Variants in CYP4F11 observed in about 807,000 individuals in gnomAD.
CYP4F11 encodes the protein cytochrome P450 4F11.
A neutral mutation model predicts 62.2 loss-of-function variants in CYP4F11; 79 were observed. That is an observed-to-expected ratio of 1.27 (90% CI 1.06 to 1.53). CYP4F11 has a LOEUF of 1.53. Among genes scored for constraint, CYP4F11 ranks in the 40% most tolerant of loss-of-function variants. CYP4F11 has a pLI of 0.00. For synonymous variants in CYP4F11, 290 were observed against 263.7 expected (o/e 1.10, Z -0.97); for missense variants, 777 against 680.5 (o/e 1.14, Z -1.58).
In CYP4F11 at chr19:15,923,807, C is replaced by T. The variant is rs1461680715; in HGVS notation, c.918+5G>A. 5 of 1,609,494 alleles carry T rather than the reference C, an allele frequency of 3.1e-6. No individual in the cohort carries two copies. Among genetic ancestry groups the T allele is most frequent in the Non-Finnish European group, 3.4e-6 (4 of 1,176,268 alleles). On this transcript the variant is annotated splice_donor_5th_base_variant and intron_variant, in intron 6 of 11. Coordinates refer to ENST00000402119, the MANE Select transcript of CYP4F11 (RefSeq NM_021187.4). Reference sequence around the variant, plus strand: ...TACTTGAATTCACATCCCAGAGAAGCCTACCTTGCTCAGCAGAAGCACATC... The same window carrying T: ...TACTTGAATTCACATCCCAGAGAAGTCTACCTTGCTCAGCAGAAGCACATC...
At position 15,934,415 on chromosome 19, in the gene CYP4F11, G is replaced by A; in HGVS notation, c.-7C>T. On this transcript the variant is annotated 5_prime_UTR_variant, in exon 1 of 12. Coordinates refer to ENST00000402119, the MANE Select transcript of CYP4F11 (RefSeq NM_021187.4). ...ACAGGCTCAGCTGCGGCATCCTGCAGGGCAGACGGGATGGAGGGTGGGATC... is the reference window on the plus strand; with the variant it reads ...ACAGGCTCAGCTGCGGCATCCTGCAAGGCAGACGGGATGGAGGGTGGGATC... 1.9e-6 allele frequency: 3 copies of A among 1,612,256 alleles called. No homozygotes were observed. The highest frequency in any genetic ancestry group is 2.5e-6 in the Non-Finnish European group (3 of 1,179,306).
rs374763718 is a variant in CYP4F11, at chr19:15,914,843, G to T, written c.1168C>A (p.Arg390=). 5 of 1,614,114 alleles carry T rather than the reference G, an allele frequency of 3.1e-6. No individual in the cohort carries two copies. Among genetic ancestry groups the T allele is most frequent in the Non-Finnish European group, 4.2e-6 (5 of 1,180,006 alleles). ...FLTMCIKESL[R]LHPPVPVISR... The stretch of plus-strand genomic sequence containing the variant: ...ATGACCGGGACTGGGGGATGCAACC[G>T]CAGGCTCTCCTTAATGCACATGGTC... Residue 390 remains arginine, a synonymous_variant, in exon 9 of 12, where the codon CGG becomes AGG. Transcript: ENST00000402119.
At chr19:15,928,519 G>A (rs2089686749) in intron 2 of CYP4F11, among the ~76,000 whole-genome samples, 1 of 152,164 alleles carries the variant, frequency 6.6e-6, no homozygotes, top group African/African-American at 2.4e-5. Flanking sequence ...ATCCAACCAT[G>A]CCTGAAGACC....
At chr19:15,933,165 G>C (rs111219999) in intron 1 of CYP4F11, among the ~76,000 whole-genome samples, 7 of 13,474 alleles carry the variant, frequency 5.2e-4, no homozygotes, top group Admixed American at 7.1e-4. Flanking sequence ...AGTGAGTGGG[G>C]AGAGGAATGA....
At position 15,918,674 on chromosome 19, in the gene CYP4F11, T is replaced by C. The variant is rs536656697; in HGVS notation, c.1115+3363A>G. ...CAACAGGTTTAATTTAGCAAAAGTC[T>C]GAAACAAGCTAAATATACATTGATG... On this transcript the variant is annotated intron_variant, in intron 8 of 11. Transcript: ENST00000402119. Among the ~76,000 whole-genome samples, 16 of 152,274 alleles carry C rather than the reference T, an allele frequency of 1.1e-4. No homozygotes were observed. The South Asian group carries it at 3.3e-3, about 32-fold the overall frequency.
At chr19:15,931,242 A>G (rs2089713352) in intron 1 of CYP4F11, among the ~76,000 whole-genome samples, 1 of 151,802 alleles carries the variant, frequency 6.6e-6, no homozygotes, top group Non-Finnish European at 1.5e-5. Context: ...TGCGTATGGA[A>G]AGGGGCTCAG....
intron 1 of CYP4F11, among the ~76,000 whole-genome samples, chr19:15,930,970 C>T (rs1339254915): frequency 2.0e-5 from 3 of 152,222 alleles, no homozygotes; most frequent in Admixed American, 6.5e-5. Flanking sequence ...CCGATGGACA[C>T]GCCCATCAAT....
In CYP4F11 at chr19:15,926,671, G is replaced by A. The variant is rs375092807; in HGVS notation, c.525+541C>T. 5.2e-4 allele frequency among the ~76,000 whole-genome samples: 79 copies of A among 152,316 alleles called. 1 individual carries two copies. The highest frequency in any genetic ancestry group is 6.8e-3 in the Middle Eastern group (2 of 294). Reference sequence around the variant, plus strand: ...AACAGCAGGGTGCCTCCGGGAGGCAGAGAAACACATGGAGAAAAGTCCAGG... The same window carrying A: ...AACAGCAGGGTGCCTCCGGGAGGCAAAGAAACACATGGAGAAAAGTCCAGG... On this transcript the variant is annotated intron_variant, in intron 4 of 11. Coordinates refer to ENST00000402119, the MANE Select transcript of CYP4F11 (RefSeq NM_021187.4).
At chr19:15,920,382 T>C (rs2089616514) in intron 8 of CYP4F11, among the ~76,000 whole-genome samples, 1 of 152,222 alleles carries the variant, frequency 6.6e-6, no homozygotes, top group African/African-American at 2.4e-5. Context: ...ATAGCCATTT[T>C]CTAGGACACA....
intron 1 of CYP4F11, among the ~76,000 whole-genome samples, chr19:15,931,543 G>GGCAGAGGAATGAGTGAGTGA (rs1568257268): frequency 1.5e-5 from 1 of 68,762 alleles, no homozygotes; most frequent in Non-Finnish European, 3.1e-5. Context: ...TGAGTGAGCG[G>GGCAGAGGAATGAGTGAGTGA]GGAGAGGAAT....
Position 15,914,891 on chromosome 19 carries a change from C to G in CYP4F11, c.1120G>C (p.Asp374His). 6 of 1,614,050 alleles carry G rather than the reference C, an allele frequency of 3.7e-6. No individual in the cohort carries two copies. Among genetic ancestry groups the G allele is most frequent in the Non-Finnish European group, 5.1e-6 (6 of 1,179,986 alleles). The change falls in exon 9 of 12, where the codon GAC becomes CAC. Residue 374 changes from aspartate (D) to histidine (H), a missense_variant. Coordinates refer to ENST00000402119, the MANE Select transcript of CYP4F11 (RefSeq NM_021187.4). ...GTCAGGAAGGGCAGCTGGGCCAGGT[C>G]GTCCCTAAGAAAACACCCCAGCCCC... is the stretch of plus-strand genomic sequence containing the variant. Reference protein sequence around the residue: ...DREPIEIEWDDLAQLPFLTMC... With the variant: ...DREPIEIEWDHLAQLPFLTMC...
intron 2 of CYP4F11, 143 bp downstream of exon 2, chr19:15,929,314 G>T: frequency 8.9e-7 from 1 of 1,125,692 alleles, no homozygotes; most frequent in Admixed American, 2.1e-5. Context: ...GTGAATACAT[G>T]AAGGAAAGAG....
rs3746152 is a variant in CYP4F11 at position 15,923,709 on chromosome 19, T to A, written c.918+103A>T. The A allele has an allele frequency of 0.064, 94,037 of 1,465,010 alleles. 9,450 individuals are homozygous for A. The highest frequency in any genetic ancestry group is 0.52 in the East Asian group (22,923 of 43,816). 90.8% of individuals were successfully genotyped at this position (1,465,010 alleles called of 1,614,324 possible). On this transcript the variant is annotated intron_variant, in intron 6 of 11. Coordinates refer to ENST00000402119, the MANE Select transcript of CYP4F11 (RefSeq NM_021187.4). ...TCTGACCTGTCTTTTTCAAGCATGTTCCATGGCTCCCAGTGCCCTTTGGAT... is the reference window on the plus strand; with the variant it reads ...TCTGACCTGTCTTTTTCAAGCATGTACCATGGCTCCCAGTGCCCTTTGGAT...
At chr19:15,919,405 T>TGGATGGAC (rs2089606199) in intron 8 of CYP4F11, among the ~76,000 whole-genome samples, 1 of 141,128 alleles carries the variant, frequency 7.1e-6, no homozygotes, top group East Asian at 2.0e-4. Flanking sequence ...GGATAAAGGA[T>TGGATGGAC]GGATGGACGG....
intron 8 of CYP4F11, among the ~76,000 whole-genome samples, chr19:15,920,787 CTT>C (rs199942274): frequency 6.6e-6 from 1 of 152,036 alleles, no homozygotes; most frequent in Non-Finnish European, 1.5e-5. Context: ...AAGTTCTTGA[CTT>C]TTTTTTCCAT....
intron 1 of CYP4F11, among the ~76,000 whole-genome samples, chr19:15,931,641 CGAGGAGAGGAATGAGTGAGCGAGG>C (rs1568257595): frequency 4.8e-4 from 10 of 20,898 alleles, no homozygotes; most frequent in East Asian, 1.9e-3. Flanking sequence ...AATGAGTGAG[CGAGGAGAGGAATGAGTGAGCGAGG>C]AGAGGAATGA....
chr19:15,920,978 TTCTC>T (rs2089621768), intron 8 of CYP4F11, among the ~76,000 whole-genome samples: 1 of 151,086 alleles, frequency 6.6e-6, no homozygotes, highest in African/African-American at 2.4e-5. Context: ...CACAAGCCAC[TTCTC>T]TCTTTCCCTC....
In CYP4F11 at chr19:15,927,343, G is replaced by A; in HGVS notation, c.398-4C>T. 8.1e-6 allele frequency: 13 copies of A among 1,614,060 alleles called. No homozygotes were observed. Among genetic ancestry groups the A allele is most frequent in the Non-Finnish European group, 1.0e-5 (12 of 1,179,946 alleles). ...CCACTCAGCAGGAGCCCATCCCCTGGCAGGGCAACCAAGGACAGTGGTCAA... is the reference window on the plus strand; with the variant it reads ...CCACTCAGCAGGAGCCCATCCCCTGACAGGGCAACCAAGGACAGTGGTCAA... On this transcript the variant is annotated splice_polypyrimidine_tract_variant and splice_region_variant and intron_variant, in intron 3 of 11. Transcript: ENST00000402119.
chr19:15,914,721 C>T (rs1344122992), intron 9 of CYP4F11, 41 bp downstream of exon 9: 1 of 1,613,862 alleles, frequency 6.2e-7, no homozygotes, highest in African/African-American at 1.3e-5. Context: ...AGGGACCCCT[C>T]TTGCTACCCA....
Sources: gnomAD v4.1 joint callset for allele counts (sites outside exome capture counted in the v4.1 genomes callset) on GRCh38, gnomAD v4.1.1 for gene constraint, MANE v1.5 for transcripts, NCBI Gene and HGNC (gene_info 2026-07-23, HGNC 2026-07-21) for gene names.